LRRC4C: variants seen among roughly 807,000 people sequenced by gnomAD.
LRRC4C encodes leucine-rich repeat-containing protein 4C.
Under a neutral mutation model 33.6 loss-of-function variants are expected in LRRC4C, and 5 were observed. The ratio of observed to expected loss-of-function variants is 0.15; its 90% confidence interval spans 0.08 to 0.31. The LOEUF is 0.31. Among genes scored for constraint, LRRC4C ranks in the 10% least tolerant of loss-of-function variants. The pLI, the probability that LRRC4C is intolerant of heterozygous loss-of-function variation, is 1.00. For synonymous variants in LRRC4C, 329 were observed against 302.0 expected, an observed-to-expected ratio of 1.09 and a Z score of -0.93; for missense variants, 560 against 796.7, an observed-to-expected ratio of 0.70 and a Z score of 3.58.
chr11:40,874,080 A>G (rs1158155658), intron 2 of LRRC4C, among the ~76,000 whole-genome samples: 2 of 152,224 alleles, frequency 1.3e-5, no homozygotes, highest in African/African-American at 4.8e-5. Flanking sequence ...TAGAGATCAG[A>G]AAGTAAAAGC....
At chr11:40,724,938 G>A (rs1947214102) in intron 2 of LRRC4C, among the ~76,000 whole-genome samples, 1 of 152,124 alleles carries the variant, frequency 6.6e-6, no homozygotes, top group African/African-American at 2.4e-5. Flanking sequence ...GCAGATGAGG[G>A]ATATGATAAC....
intron 1 of LRRC4C, among the ~76,000 whole-genome samples, chr11:41,255,292 C>T (rs1261214433): frequency 5.3e-5 from 8 of 151,946 alleles, no homozygotes; most frequent in African/African-American, 1.7e-4. Context: ...TCATCTAAAA[C>T]GATCTGAGCT....
chr11:40,121,952 C>G (rs1344982664), intron 6 of LRRC4C, among the ~76,000 whole-genome samples: 2 of 152,142 alleles, frequency 1.3e-5, no homozygotes, highest in African/African-American at 4.8e-5. Flanking sequence ...CCACACCTTA[C>G]CATCTACATC....
chr11:41,013,572 T>G (rs1855367319), intron 1 of LRRC4C, among the ~76,000 whole-genome samples: 1 of 152,174 alleles, frequency 6.6e-6, no homozygotes, highest in South Asian at 2.1e-4. Flanking sequence ...CATAGTCTGT[T>G]TGGGGTGCTA....
At chr11:41,185,697 C>CT (rs1945663923) in intron 1 of LRRC4C, among the ~76,000 whole-genome samples, 1 of 152,054 alleles carries the variant, frequency 6.6e-6, no homozygotes, top group Admixed American at 6.6e-5. Context: ...ATTTGCTATC[C>CT]TTATATCCTT....
chr11:40,323,569 C>A (rs1945956896), intron 3 of LRRC4C, among the ~76,000 whole-genome samples: 1 of 152,190 alleles, frequency 6.6e-6, no homozygotes, highest in African/African-American at 2.4e-5. Flanking sequence ...GCCCTATCCA[C>A]TAAAGTTATA....
chr11:41,434,841 C>G (rs1221958747), intron 1 of LRRC4C, among the ~76,000 whole-genome samples: 1 of 152,150 alleles, frequency 6.6e-6, no homozygotes, highest in Non-Finnish European at 1.5e-5. Context: ...GGTAATACAG[C>G]ATTTATATCA....
chr11:41,313,152 G>A (rs954947363), intron 1 of LRRC4C, among the ~76,000 whole-genome samples: 6 of 152,200 alleles, frequency 3.9e-5, no homozygotes, highest in African/African-American at 1.4e-4. Flanking sequence ...CAGTAGGCCA[G>A]TTCCAGGGTT....
At chr11:41,234,488 A>G (rs1208679999) in intron 1 of LRRC4C, among the ~76,000 whole-genome samples, 1 of 152,000 alleles carries the variant, frequency 6.6e-6, no homozygotes, top group Non-Finnish European at 1.5e-5. Context: ...CCTAACTGAA[A>G]TTTTGTATTC....
At chr11:41,249,031 A>T (rs1948545365) in intron 1 of LRRC4C, among the ~76,000 whole-genome samples, 1 of 148,358 alleles carries the variant, frequency 6.7e-6, no homozygotes. Flanking sequence ...GGTTTAAGAT[A>T]CTGTCTTCTT....
intron 1 of LRRC4C, among the ~76,000 whole-genome samples, chr11:41,268,732 T>C (rs1035469819): frequency 6.6e-6 from 1 of 152,056 alleles, no homozygotes; most frequent in Admixed American, 6.6e-5. Flanking sequence ...AGAATTTCAG[T>C]AGTTGATGCA....
At chr11:40,217,817 C>G (rs180676116) in intron 5 of LRRC4C, among the ~76,000 whole-genome samples, 1 of 151,964 alleles carries the variant, frequency 6.6e-6, no homozygotes, top group Non-Finnish European at 1.5e-5. Flanking sequence ...AGCTAGCTAA[C>G]AAAATAAATA....
chr11:41,401,618 A>C (rs1954029109), intron 1 of LRRC4C, among the ~76,000 whole-genome samples: 1 of 151,952 alleles, frequency 6.6e-6, no homozygotes, highest in Non-Finnish European at 1.5e-5. Context: ...AGAGTGGAGT[A>C]ATAAATAATG....
At chr11:40,553,900 C>T (rs1957225719) in intron 3 of LRRC4C, among the ~76,000 whole-genome samples, 1 of 151,656 alleles carries the variant, frequency 6.6e-6, no homozygotes, top group Admixed American at 6.6e-5. Context: ...TGCCTGTGTG[C>T]TCTGTTGATA....
intron 3 of LRRC4C, among the ~76,000 whole-genome samples, chr11:40,632,365 T>C (rs1963545646): frequency 6.6e-6 from 1 of 152,216 alleles, no homozygotes; most frequent in Admixed American, 6.5e-5. Context: ...TTTGCGGAAC[T>C]CAATCAAAGC....
At chr11:41,007,272 T>C (rs1457080864) in intron 1 of LRRC4C, among the ~76,000 whole-genome samples, 1 of 152,084 alleles carries the variant, frequency 6.6e-6, no homozygotes, top group Non-Finnish European at 1.5e-5. Flanking sequence ...CAGTTTAATT[T>C]ACAGAAAAGG....
At chr11:40,598,843 C>A (rs1206780955) in intron 3 of LRRC4C, among the ~76,000 whole-genome samples, 1 of 152,030 alleles carries the variant, frequency 6.6e-6, no homozygotes, top group East Asian at 1.9e-4. Flanking sequence ...GGTGCTCTCA[C>A]CCCCAGAAAG....
At chr11:40,791,888 T>A (rs1950635391) in intron 2 of LRRC4C, among the ~76,000 whole-genome samples, 1 of 152,122 alleles carries the variant, frequency 6.6e-6, no homozygotes, top group Non-Finnish European at 1.5e-5. Flanking sequence ...TTCAGGAAGA[T>A]AAGGCTATGC....
intron 5 of LRRC4C, among the ~76,000 whole-genome samples, chr11:40,210,020 C>G (rs993811701): frequency 2.0e-5 from 3 of 152,076 alleles, no homozygotes; most frequent in Non-Finnish European, 4.4e-5. Context: ...AGATGTGAGA[C>G]AGGTTCAAGA....
Sources: gnomAD v4.1 joint callset for allele counts (sites outside exome capture counted in the v4.1 genomes callset) on GRCh38, gnomAD v4.1.1 for gene constraint, MANE v1.5 for transcripts, NCBI Gene and HGNC (gene_info 2026-07-23, HGNC 2026-07-21) for gene names.